The following DLGAP2 variants were observed in gnomAD, a reference collection of about 807,000 sequenced individuals.
DLGAP2 encodes the protein disks large-associated protein 2.
Under a neutral mutation model 100.3 loss-of-function variants are expected in DLGAP2, and 26 were observed. The ratio of observed to expected loss-of-function variants is 0.26; its 90% CI spans 0.19 to 0.36. The LOEUF is 0.36. DLGAP2 is among the 10% of genes least tolerant of loss of function. DLGAP2 has a pLI of 1.00. For synonymous variants in DLGAP2, 886 were observed against 630.1 expected, an observed-to-expected ratio of 1.41 and a Z score of -6.08; for missense variants, 1,858 against 1,453.2, an observed-to-expected ratio of 1.28 and a Z score of -4.53.
chr8:1,039,812 G>A (rs1288200939), intron 2 of DLGAP2, among the ~76,000 whole-genome samples: 25 of 126,338 alleles, frequency 2.0e-4, no homozygotes, highest in African/African-American at 3.9e-4. Flanking sequence ...TTCCGTGGTC[G>A]GCTCGGTGTG....
At chr8:1,442,356 C>T (rs957398389) in intron 3 of DLGAP2, among the ~76,000 whole-genome samples, 21 of 149,162 alleles carry the variant, frequency 1.4e-4, no homozygotes, top group Admixed American at 7.3e-4. Flanking sequence ...GGCATAGACC[C>T]GCCAAGCTGC....
intron 4 of DLGAP2, among the ~76,000 whole-genome samples, chr8:1,507,292 C>T (rs1456372612): frequency 6.6e-6 from 1 of 152,204 alleles, no homozygotes; most frequent in African/African-American, 2.4e-5. Context: ...GGTCCCGAGC[C>T]CTGTCCCACG....
Position 1,058,712 on chromosome 8 carries a change from C to G in DLGAP2, c.73+150746C>G, listed in dbSNP as rs374475848. Among the ~76,000 whole-genome samples the G allele has an allele frequency of 1.3e-3, 196 of 152,308 alleles. 1 individual carries two copies. The highest frequency in any genetic ancestry group is 3.7e-3 in the African/African-American group (154 of 41,574). ...TAAATTAGAGTTGTGGTTGTCACCT[C>G]TTAAGACAGATTGGCCTTATATTAT... On this transcript the variant is annotated intron_variant, in intron 2 of 14. Transcript: ENST00000637795.
chr8:1,094,677 G>C (rs958507785), intron 2 of DLGAP2, among the ~76,000 whole-genome samples: 1 of 152,198 alleles, frequency 6.6e-6, no homozygotes, highest in Admixed American at 6.5e-5. Context: ...CCTCTGTTTT[G>C]TGTCTTTATT....
intron 1 of DLGAP2, among the ~76,000 whole-genome samples, chr8:785,320 A>C (rs1445232175): frequency 2.7e-5 from 4 of 148,150 alleles, no homozygotes; most frequent in Middle Eastern, 3.4e-3. Context: ...GGCGATTCCC[A>C]TGTGGCTCAG....
chr8:1,292,558 A>G (rs927789079), intron 3 of DLGAP2, among the ~76,000 whole-genome samples: 3 of 152,208 alleles, frequency 2.0e-5, no homozygotes, highest in African/African-American at 4.8e-5. Flanking sequence ...ACTTCTGTAT[A>G]TATGTGGTAT....
At chr8:1,510,298 G>C (rs1365855740) in intron 4 of DLGAP2, among the ~76,000 whole-genome samples, 1 of 152,234 alleles carries the variant, frequency 6.6e-6, no homozygotes, top group African/African-American at 2.4e-5. Context: ...GTGGCTTCCA[G>C]GCTCATAGGA....
In DLGAP2 at chr8:866,973, G is replaced by A. The variant is rs543704933; in HGVS notation, c.19-40939G>A. On this transcript the variant is annotated intron_variant, in intron 1 of 14. Coordinates refer to ENST00000637795, the MANE Select transcript of DLGAP2 (RefSeq NM_001346810.2). ...ATCCCTTACAGGCTCACTGCCTTGT[G>A]CTGGGGTTTGTTCTCTCTCCAAATC... is the stretch of plus-strand genomic sequence containing the variant. Among the ~76,000 whole-genome samples the A allele has an allele frequency of 2.5e-3, 375 of 152,240 alleles. 1 individual carries two copies. Among genetic ancestry groups the A allele is most frequent in the African/African-American group, 8.7e-3 (360 of 41,518 alleles).
chr8:1,556,016 A>C (rs1212024980), intron 5 of DLGAP2, among the ~76,000 whole-genome samples: 3 of 152,224 alleles, frequency 2.0e-5, no homozygotes, highest in Non-Finnish European at 2.9e-5. Flanking sequence ...CAGGTTTACC[A>C]GGGGAGAATG....
At chr8:857,153 A>T (rs923810601) in intron 1 of DLGAP2, among the ~76,000 whole-genome samples, 1 of 152,342 alleles carries the variant, frequency 6.6e-6, no homozygotes, top group Middle Eastern at 3.4e-3. Context: ...GTGTGGAGCA[A>T]TGGGACCTCC....
chr8:1,167,672 C>T (rs62487550), intron 2 of DLGAP2, among the ~76,000 whole-genome samples: 28,496 of 152,032 alleles, frequency 0.19, 2,859 homozygotes, highest in Middle Eastern at 0.34. Context: ...GTAGTAGGCA[C>T]GCAATGGAAT....
chr8:1,415,026 G>A (rs1259202834), intron 3 of DLGAP2, among the ~76,000 whole-genome samples: 1 of 151,906 alleles, frequency 6.6e-6, no homozygotes, highest in Non-Finnish European at 1.5e-5. Context: ...AAAAAAAGAA[G>A]AAAAAAAATC....
At chr8:1,424,583 G>T (rs184383358) in intron 3 of DLGAP2, among the ~76,000 whole-genome samples, 2 of 152,164 alleles carry the variant, frequency 1.3e-5, no homozygotes, top group Non-Finnish European at 2.9e-5. Context: ...GGACAAGGAC[G>T]GTGTGATTAC....
chr8:1,477,142 G>A (rs1243835310), intron 3 of DLGAP2, among the ~76,000 whole-genome samples: 2 of 152,026 alleles, frequency 1.3e-5, no homozygotes, highest in East Asian at 4.0e-4. Context: ...CCCACCTGCT[G>A]GGAATGTCAC....
intron 2 of DLGAP2, among the ~76,000 whole-genome samples, chr8:1,064,743 C>T (rs1803193064): frequency 6.6e-6 from 1 of 152,216 alleles, no homozygotes; most frequent in Admixed American, 6.5e-5. Context: ...TTATATATAA[C>T]ATTTTAAGTG....
At chr8:1,092,427 G>A (rs1319295655) in intron 2 of DLGAP2, among the ~76,000 whole-genome samples, 3 of 152,220 alleles carry the variant, frequency 2.0e-5, no homozygotes, top group Admixed American at 6.5e-5. Flanking sequence ...CTTGCCTGTG[G>A]TTGGACTTCG....
intron 2 of DLGAP2, among the ~76,000 whole-genome samples, chr8:1,176,423 A>C (rs1443155302): frequency 2.6e-5 from 4 of 152,194 alleles, no homozygotes; most frequent in Non-Finnish European, 5.9e-5. Flanking sequence ...TTAGATCTAC[A>C]CTTTGGGTGT....
chr8:1,294,522 G>A (rs1282425683), intron 3 of DLGAP2, among the ~76,000 whole-genome samples: 4 of 152,154 alleles, frequency 2.6e-5, no homozygotes, highest in African/African-American at 9.7e-5. Flanking sequence ...TCTCTCCTGC[G>A]ATTTTGTGAG....
At chr8:964,745 C>T (rs529190184) in intron 2 of DLGAP2, among the ~76,000 whole-genome samples, 3 of 152,294 alleles carry the variant, frequency 2.0e-5, no homozygotes, top group South Asian at 2.1e-4. Context: ...GGGTGGGCAC[C>T]GCCTCCACCT....
Sources: allele counts gnomAD v4.1 joint callset (sites outside exome capture counted in the v4.1 genomes callset), GRCh38; gene constraint gnomAD v4.1.1; transcripts MANE v1.5; gene names NCBI Gene and HGNC (gene_info 2026-07-23, HGNC 2026-07-21).